RBMS3: variants seen among roughly 807,000 people sequenced by gnomAD.
The protein encoded by RBMS3 is RNA-binding motif, single-stranded-interacting protein 3.
RBMS3 carries 27 observed loss-of-function variants against 66.8 expected under a neutral mutation model. The observed-to-expected ratio is 0.40, with a 90% CI of 0.30 to 0.56. The LOEUF is 0.56. Ranked by LOEUF, RBMS3 falls within the 20% of genes least tolerant of loss-of-function variation. The probability of loss-of-function intolerance (pLI) is 0.40; values close to 1 mark genes in which losing one functional copy is unlikely to be tolerated. For missense variants in RBMS3, 513 were observed against 549.5 expected (o/e 0.93, Z 0.66); for synonymous variants, 188 against 183.0 (o/e 1.03, Z -0.22).
intron 14 of RBMS3, among the ~76,000 whole-genome samples, chr3:29,996,359 C>T (rs1425707238): frequency 3.1e-3 from 460 of 148,500 alleles, no homozygotes; most frequent in African/African-American, 0.01. Flanking sequence ...GACAGATCAA[C>T]GAGACAGAAA....
At chr3:29,418,691 T>C (rs943262496) in intron 1 of RBMS3, among the ~76,000 whole-genome samples, 6 of 152,148 alleles carry the variant, frequency 3.9e-5, no homozygotes, top group Non-Finnish European at 7.4e-5. Context: ...AATAAGGACA[T>C]AACTCTAGAG....
chr3:29,335,642 C>A (rs181619888), intron 1 of RBMS3, among the ~76,000 whole-genome samples: 41 of 152,312 alleles, frequency 2.7e-4, no homozygotes, highest in Admixed American at 2.0e-3. Flanking sequence ...GTGGGAGAAA[C>A]TCGTAACTCT....
chr3:29,653,521 T>A (rs778457163), intron 4 of RBMS3, among the ~76,000 whole-genome samples: 1 of 152,116 alleles, frequency 6.6e-6, no homozygotes, highest in Non-Finnish European at 1.5e-5. Context: ...GAATTAATAT[T>A]GTTTTCTTTC....
At chr3:29,633,759 A>G (rs1417410940) in intron 4 of RBMS3, among the ~76,000 whole-genome samples, 1 of 151,890 alleles carries the variant, frequency 6.6e-6, no homozygotes, top group Non-Finnish European at 1.5e-5. Context: ...TGTTGTTGTA[A>G]TCAGATCAAA....
At chr3:29,604,371 T>C (rs1192053840) in intron 4 of RBMS3, among the ~76,000 whole-genome samples, 1 of 152,004 alleles carries the variant, frequency 6.6e-6, no homozygotes, top group Non-Finnish European at 1.5e-5. Flanking sequence ...TCCTTTCTTT[T>C]AAACTTCTAT....
chr3:29,561,711 A>G (rs2046562538), intron 3 of RBMS3, among the ~76,000 whole-genome samples: 1 of 152,142 alleles, frequency 6.6e-6, no homozygotes, highest in Non-Finnish European at 1.5e-5. Flanking sequence ...TCGGCCTCCC[A>G]AAGTGCTAGG....
rs903898108 is a variant in RBMS3 at position 29,592,925 on chromosome 3, G to A, written c.399+5720G>A. ...TCGCAAGGACAAAAAACCAAACACC[G>A]CATGTTCTCACTCATAGGTGGGAAT... On this transcript the variant is annotated intron_variant, in intron 4 of 14. Coordinates refer to ENST00000383767, the MANE Select transcript of RBMS3 (RefSeq NM_001003793.3). 2.5e-3 allele frequency among the ~76,000 whole-genome samples: 364 copies of A among 145,824 alleles called. 4 individuals are homozygous for A. The highest frequency in any genetic ancestry group is 8.5e-3 in the African/African-American group (334 of 39,508).
intron 4 of RBMS3, among the ~76,000 whole-genome samples, chr3:29,693,801 T>C (rs913638078): frequency 6.6e-6 from 1 of 152,202 alleles, no homozygotes; most frequent in Non-Finnish European, 1.5e-5. Context: ...TGATTTTTGT[T>C]CATCCTAAGA....
chr3:29,354,563 G>A (rs990689677), intron 1 of RBMS3, among the ~76,000 whole-genome samples: 3 of 151,512 alleles, frequency 2.0e-5, no homozygotes, highest in Admixed American at 2.0e-4. Flanking sequence ...TGGTGCACGT[G>A]TGCACGTGCG....
intron 6 of RBMS3, among the ~76,000 whole-genome samples, chr3:29,826,911 G>A (rs1440416454): frequency 1.3e-5 from 2 of 152,096 alleles, no homozygotes; most frequent in African/African-American, 4.8e-5. Context: ...ATGATGACAA[G>A]ACACATTTCT....
intron 6 of RBMS3, among the ~76,000 whole-genome samples, chr3:29,837,796 A>G (rs1193907926): frequency 2.7e-5 from 4 of 147,762 alleles, no homozygotes; most frequent in East Asian, 2.0e-4. Flanking sequence ...TGGCTGCCTG[A>G]GTCATTTTCT....
intron 2 of RBMS3, among the ~76,000 whole-genome samples, chr3:29,445,969 T>C (rs1372878443): frequency 6.6e-6 from 1 of 152,168 alleles, no homozygotes; most frequent in Non-Finnish European, 1.5e-5. Context: ...AGCATAGGAT[T>C]TGATGAGTTT....
At chr3:29,666,359 G>A (rs1176613462) in intron 4 of RBMS3, among the ~76,000 whole-genome samples, 2 of 152,220 alleles carry the variant, frequency 1.3e-5, no homozygotes, top group Non-Finnish European at 2.9e-5. Flanking sequence ...AATTGTTACT[G>A]CTGTATGCCC....
chr3:29,683,870 A>C (rs1399165310), intron 4 of RBMS3, among the ~76,000 whole-genome samples: 1 of 152,188 alleles, frequency 6.6e-6, no homozygotes, highest in African/African-American at 2.4e-5. Context: ...GGAATGACTA[A>C]GCAGTTTTGT....
rs117764035 is a variant in RBMS3, at chr3:29,415,718, G to C, written c.76-19025G>C. On this transcript the variant is annotated intron_variant, in intron 1 of 14. Transcript: ENST00000383767. ...GGAAAAGGCAGATGTGGGAGACACT[G>C]AGAATGCAGCATAGGCAGGACTTGG... Among the ~76,000 whole-genome samples the C allele has an allele frequency of 6.6e-4, 101 of 152,278 alleles. 1 individual carries two copies. In the East Asian group the frequency reaches 0.017, roughly 26 times the overall value.
chr3:29,300,696 A>G (rs1184687808), intron 1 of RBMS3, among the ~76,000 whole-genome samples: 1 of 151,990 alleles, frequency 6.6e-6, no homozygotes, highest in Non-Finnish European at 1.5e-5. Context: ...ATGCTTTTGA[A>G]TATGCATTGA....
chr3:29,959,837 AGAACAGCATAGAG>A (rs1389181577), intron 12 of RBMS3, among the ~76,000 whole-genome samples: 1 of 152,124 alleles, frequency 6.6e-6, no homozygotes, highest in Non-Finnish European at 1.5e-5. Context: ...CACTATCACA[AGAACAGCATAGAG>A]GAACTGCCCC....
chr3:29,748,080 A>G (rs1205523930), intron 5 of RBMS3, among the ~76,000 whole-genome samples: 1 of 152,212 alleles, frequency 6.6e-6, no homozygotes, highest in Non-Finnish European at 1.5e-5. Flanking sequence ...GGGCAATAGG[A>G]AGCAAGAGGT....
chr3:29,397,212 G>T (rs914153756), intron 1 of RBMS3, among the ~76,000 whole-genome samples: 14 of 152,068 alleles, frequency 9.2e-5, no homozygotes, highest in Non-Finnish European at 2.9e-5. Context: ...GGCAGATTAG[G>T]AGTTTGTGTG....
Sources: gnomAD v4.1 joint callset for allele counts (sites outside exome capture counted in the v4.1 genomes callset) on GRCh38, gnomAD v4.1.1 for gene constraint, MANE v1.5 for transcripts, NCBI Gene and HGNC (gene_info 2026-07-23, HGNC 2026-07-21) for gene names.